The following DOCK11 variants were observed in gnomAD, a reference collection of about 807,000 sequenced individuals.
The protein encoded by DOCK11 is dedicator of cytokinesis protein 11.
DOCK11 carries 70 observed loss-of-function variants against 169.1 expected under a neutral mutation model. That is an observed-to-expected ratio of 0.41 (90% CI 0.34 to 0.51). The LOEUF is 0.51. Among genes scored for constraint, DOCK11 ranks in the 20% least tolerant of loss-of-function variants. The probability of loss-of-function intolerance (pLI) is 0.10; values close to 1 mark genes in which losing one functional copy is unlikely to be tolerated. For synonymous variants in DOCK11, 529 were observed against 541.3 expected (o/e 0.98, Z 0.32); for missense variants, 1,166 against 1,538.8 (o/e 0.76, Z 4.05).
chrX:118,534,485 G>A (rs940246977), intron 1 of DOCK11, among the ~76,000 whole-genome samples: 1 of 111,685 alleles, frequency 9.0e-6, no homozygotes, highest in African/African-American at 3.3e-5. Flanking sequence ...GAAATAATTC[G>A]GCAGTTAAAA....
At chrX:118,555,870 C>T (rs775413993) in intron 6 of DOCK11, among the ~76,000 whole-genome samples, 2 of 110,913 alleles carry the variant, frequency 1.8e-5, no homozygotes, top group Non-Finnish European at 3.8e-5. Context: ...TACATCATTT[C>T]TACATTGCTC....
At chrX:118,522,268 G>C (rs1407504418) in intron 1 of DOCK11, among the ~76,000 whole-genome samples, 1 of 110,132 alleles carries the variant, frequency 9.1e-6, no homozygotes, top group Non-Finnish European at 1.9e-5. Context: ...TGCAATGAGT[G>C]ATATTGCACC....
In DOCK11 at chrX:118,568,109, C is replaced by T. The variant is rs139686157; in HGVS notation, c.982C>T (p.Leu328Phe). 1 of 1,159,955 alleles carries T rather than the reference C, an allele frequency of 8.6e-7. No individual in the cohort carries two copies. Among genetic ancestry groups the T allele is most frequent in the Non-Finnish European group, 1.2e-6 (1 of 868,770 alleles). Reference protein sequence around the residue: ...YGRETEQLNKLSRGDGRQNLF... With the variant: ...YGRETEQLNKFSRGDGRQNLF... ...AAGAGAAACTGAACAACTAAACAAA[C>T]TCAGTAGAGGAGATGGAAGACAGAA... Residue 328 changes from leucine (L) to phenylalanine (F), a missense_variant, in exon 10 of 53, where the codon CTC (leucine) becomes TTC (phenylalanine). Physicochemically the swap from Leu to Phe is conservative, Grantham distance 22. Coordinates refer to ENST00000276202, the MANE Select transcript of DOCK11 (RefSeq NM_144658.4).
intron 36 of DOCK11, among the ~76,000 whole-genome samples, chrX:118,637,196 G>A (rs1283780808): frequency 9.1e-6 from 1 of 110,252 alleles, no homozygotes; most frequent in Admixed American, 9.7e-5. Flanking sequence ...AATATCTGAT[G>A]TTGGGGATTT....
intron 29 of DOCK11, among the ~76,000 whole-genome samples, 188 bp from the exon 30 acceptor site, chrX:118,615,412 A>G (rs1226757198): frequency 8.9e-6 from 1 of 112,342 alleles, no homozygotes; most frequent in East Asian, 2.8e-4. Flanking sequence ...ATGCCAGCCA[A>G]CAAGCAGGCC....
At chrX:118,627,224 T>C (rs867640605) in intron 32 of DOCK11, among the ~76,000 whole-genome samples, 3 of 111,163 alleles carry the variant, frequency 2.7e-5, no homozygotes, top group South Asian at 3.8e-4. Context: ...CAAGACCCTG[T>C]CTCAGAAAAC....
At chrX:118,581,195 G>A (rs941171490) in intron 14 of DOCK11, among the ~76,000 whole-genome samples, 1 of 111,982 alleles carries the variant, frequency 8.9e-6, no homozygotes, top group East Asian at 2.8e-4. Flanking sequence ...TTCAGTGGGT[G>A]CTAGGGAGTA....
intron 46 of DOCK11, among the ~76,000 whole-genome samples, chrX:118,673,434 T>G (rs12834038): frequency 0.013 from 1,398 of 111,507 alleles, 15 homozygotes; most frequent in African/African-American, 0.033. Flanking sequence ...ATTGAGACAC[T>G]GCACTCCAGC....
chrX:118,573,746 C>T, intron 11 of DOCK11, 60 bp from the exon 12 acceptor site: 1 of 987,652 alleles, frequency 1.0e-6, no homozygotes, highest in South Asian at 2.3e-5. Flanking sequence ...CACTTGTGCC[C>T]CTCCCCGCCA....
intron 35 of DOCK11, among the ~76,000 whole-genome samples, chrX:118,631,077 A>C (rs148907554): frequency 0.056 from 6,165 of 110,973 alleles, 177 homozygotes; most frequent in Non-Finnish European, 0.081. Context: ...GGACTTTCAT[A>C]AACTGCATGT....
In DOCK11 at chrX:118,544,644, G is replaced by GTTTTTTTT. The variant is rs1439441148; in HGVS notation, c.393-679_393-678insTTTTTTTT. On this transcript the variant is annotated intron_variant, in intron 4 of 52. Transcript: ENST00000276202. ...ATGCAAGAGCCAGAATTACACTGTT[G>GTTTTTTTT]CTTTTTTTTTTTTTTTTTTTTTTTT... Among the ~76,000 whole-genome samples, 9 of 45,741 alleles carry GTTTTTTTT rather than the reference G, an allele frequency of 2.0e-4. No individual in the cohort carries two copies. In the South Asian group the frequency reaches 4.1e-3, roughly 21 times the overall value. The allele number at this position is 45,741 out of a possible 115,157, so 39.7% of individuals were successfully genotyped here.
chrX:118,612,210 A>G (rs1489929739), intron 28 of DOCK11, among the ~76,000 whole-genome samples: 4 of 111,993 alleles, frequency 3.6e-5, no homozygotes, highest in African/African-American at 1.3e-4. Context: ...ACATATCCTC[A>G]TTGTTAATTA....
intron 20 of DOCK11, among the ~76,000 whole-genome samples, chrX:118,596,529 C>T (rs771145403): frequency 8.9e-6 from 1 of 112,216 alleles, no homozygotes; most frequent in Admixed American, 9.5e-5. Flanking sequence ...AAAAAATGTT[C>T]TCCAGCCAAT....
At chrX:118,572,019 G>A (rs1393123822) in intron 10 of DOCK11, among the ~76,000 whole-genome samples, 1 of 112,102 alleles carries the variant, frequency 8.9e-6, no homozygotes, top group Non-Finnish European at 1.9e-5. Flanking sequence ...GGTAGGAGAT[G>A]AGGTCAGAGC....
At chrX:118,597,642 C>T (rs1320811358) in intron 21 of DOCK11, 90 bp downstream of exon 21, 3 of 1,084,490 alleles carry the variant, frequency 2.8e-6, no homozygotes, top group Non-Finnish European at 3.8e-6. Context: ...TACAATGTTA[C>T]TCAAAGTGGG....
At chrX:118,662,848 A>T in intron 45 of DOCK11, 56 bp downstream of exon 45, 2 of 711,188 alleles carry the variant, frequency 2.8e-6, no homozygotes, top group Non-Finnish European at 4.3e-6. Context: ...CTTAAAATTC[A>T]TATATATTAA....
At chrX:118,609,422 G>A in intron 27 of DOCK11, 73 bp downstream of exon 27, 8 of 801,804 alleles carry the variant, frequency 1.0e-5, no homozygotes, top group African/African-American at 2.1e-5. Context: ...AATATTTGAT[G>A]GAGACAAAAA....
chrX:118,614,862 A>T lies in DOCK11; in HGVS notation c.3180+87A>T, dbSNP rs995297201. 22 of 689,801 alleles carry T rather than the reference A, an allele frequency of 3.2e-5. No individual in the cohort carries two copies. The African/African-American group carries it at 4.6e-4, about 15-fold the overall frequency. The allele number at this position is 689,801 out of a possible 1,213,427, so 56.8% of individuals were successfully genotyped here. On this transcript the variant is annotated intron_variant, in intron 29 of 52. Coordinates refer to ENST00000276202, the MANE Select transcript of DOCK11 (RefSeq NM_144658.4). The stretch of plus-strand genomic sequence containing the variant: ...ATTTATTCTCTTCTAGGGGATTAGG[A>T]ACTGTTGTTTTTATTTAGGTAGTTG...
At chrX:118,666,939 T>C (rs1160077492) in intron 45 of DOCK11, among the ~76,000 whole-genome samples, 1 of 111,962 alleles carries the variant, frequency 8.9e-6, no homozygotes, top group East Asian at 2.8e-4. Context: ...CAACATCTCA[T>C]TGTGGCTTTT....
Sources: gnomAD v4.1 joint callset for allele counts (sites outside exome capture counted in the v4.1 genomes callset) on GRCh38, gnomAD v4.1.1 for gene constraint, MANE v1.5 for transcripts, NCBI Gene and HGNC (gene_info 2026-07-23, HGNC 2026-07-21) for gene names.